Variants in HDAC9 observed in about 807,000 individuals in gnomAD.
HDAC9 encodes the protein histone deacetylase 9, also known as MEF-2 interacting transcription repressor (MITR) protein.
A neutral mutation model predicts 139.4 loss-of-function variants in HDAC9; 41 were observed. The ratio of observed to expected loss-of-function variants is 0.29; its 90% CI spans 0.23 to 0.38. The LOEUF (loss-of-function observed/expected upper bound fraction) is 0.38, where lower values mean the gene tolerates loss of function less well. HDAC9 is among the 10% of genes least tolerant of loss of function. The probability of loss-of-function intolerance (pLI) is 1.00; values close to 1 mark genes in which losing one functional copy is unlikely to be tolerated. For missense variants in HDAC9, 1,147 were observed against 1,297.0 expected (o/e 0.88, Z 1.78); for synonymous variants, 517 against 476.2 (o/e 1.09, Z -1.12).
chr7:18,662,873 C>T (rs1191434875), intron 11 of HDAC9, among the ~76,000 whole-genome samples: 3 of 152,026 alleles, frequency 2.0e-5, no homozygotes, highest in Non-Finnish European at 4.4e-5. Flanking sequence ...TCAGCATGAT[C>T]GTAATTTGTT....
At chr7:18,732,458 ATTTGTATGTGTG>A (rs1033300734) in intron 13 of HDAC9, among the ~76,000 whole-genome samples, 2 of 87,106 alleles carry the variant, frequency 2.3e-5, no homozygotes, top group East Asian at 5.1e-4. Flanking sequence ...ATGTGTGTAT[ATTTGTATGTGTG>A]TATATACAGT....
At chr7:18,291,127 A>T (rs1430645542) in intron 1 of HDAC9, among the ~76,000 whole-genome samples, 1 of 152,156 alleles carries the variant, frequency 6.6e-6, no homozygotes, top group Non-Finnish European at 1.5e-5. Flanking sequence ...ATTTTGAAAT[A>T]TGCCTATTGT....
At chr7:18,331,746 C>G (rs1339063336) in intron 1 of HDAC9, among the ~76,000 whole-genome samples, 1 of 151,630 alleles carries the variant, frequency 6.6e-6, no homozygotes, top group Non-Finnish European at 1.5e-5. Flanking sequence ...TAGTGGACTG[C>G]TACAAGTTTG....
At chr7:18,257,810 T>C (rs576430425) in intron 2 of HDAC9, among the ~76,000 whole-genome samples, 43 of 152,358 alleles carry the variant, frequency 2.8e-4, no homozygotes, top group Non-Finnish European at 4.6e-4. Context: ...TTTATAATGC[T>C]TTGGGTTAAT....
At chr7:18,991,261 A>T (rs1745513702) in intron 25 of HDAC9, among the ~76,000 whole-genome samples, 1 of 152,240 alleles carries the variant, frequency 6.6e-6, no homozygotes, top group Non-Finnish European at 1.5e-5. Context: ...TGAGGAAATG[A>T]AAGAACATAA....
intron 1 of HDAC9, among the ~76,000 whole-genome samples, chr7:18,151,026 A>T (rs555924477): frequency 6.6e-6 from 1 of 152,302 alleles, no homozygotes; most frequent in Admixed American, 6.5e-5. Context: ...TATATGTGTT[A>T]ATCTGTCTCA....
At chr7:18,774,956 C>T (rs920023231) in intron 16 of HDAC9, among the ~76,000 whole-genome samples, 11 of 151,914 alleles carry the variant, frequency 7.2e-5, no homozygotes, top group Non-Finnish European at 1.2e-4. Context: ...GAGTGAGAGA[C>T]GTGCAACTCT....
intron 13 of HDAC9, among the ~76,000 whole-genome samples, chr7:18,735,902 T>C (rs915588471): frequency 3.9e-5 from 6 of 152,218 alleles, no homozygotes; most frequent in East Asian, 1.9e-4. Flanking sequence ...CATCCTCTCC[T>C]ATTTACTTGA....
intron 1 of HDAC9, among the ~76,000 whole-genome samples, chr7:18,421,973 A>G (rs1040726642): frequency 1.3e-5 from 2 of 152,166 alleles, no homozygotes; most frequent in Non-Finnish European, 1.5e-5. Flanking sequence ...TGTGACTGCC[A>G]TTGTGTGTCT....
At chr7:18,603,579 A>G (rs1834572697) in intron 6 of HDAC9, among the ~76,000 whole-genome samples, 1 of 152,068 alleles carries the variant, frequency 6.6e-6, no homozygotes, top group Admixed American at 6.5e-5. Flanking sequence ...ATAAAAGTGT[A>G]TTTCTAATCT....
intron 2 of HDAC9, among the ~76,000 whole-genome samples, chr7:18,185,242 T>G (rs1192645029): frequency 2.0e-5 from 3 of 152,180 alleles, no homozygotes; most frequent in African/African-American, 7.2e-5. Context: ...GACTATACAT[T>G]AAAATAACCT....
intron 25 of HDAC9, among the ~76,000 whole-genome samples, chr7:18,979,144 T>C (rs995012986): frequency 2.0e-5 from 3 of 152,152 alleles, no homozygotes; most frequent in Admixed American, 6.5e-5. Flanking sequence ...TACAGAAACA[T>C]GAGAAAACAT....
intron 23 of HDAC9, among the ~76,000 whole-genome samples, chr7:18,937,111 C>T (rs1781696630): frequency 6.9e-6 from 1 of 145,880 alleles, no homozygotes; most frequent in Non-Finnish European, 1.5e-5. Flanking sequence ...GCGATCTCGG[C>T]TCACTGCAAC....
chr7:18,749,015 T>C lies in HDAC9; in HGVS notation c.1920T>C (p.Tyr640=). 6.2e-7 allele frequency: 1 copy of C among 1,613,576 alleles called. No homozygotes were observed. The highest frequency in any genetic ancestry group is 8.5e-7 in the Non-Finnish European group (1 of 1,179,684). Residue 640 remains tyrosine, a synonymous_variant, in exon 14 of 26, where the codon TAT becomes TAC. Coordinates refer to ENST00000686413, the MANE Select transcript of HDAC9 (RefSeq NM_178425.4). ...LQPGSATGIA[Y]DPLMLKHQCV... ...TCCCTTGTCTTAAAGGAATTGCCTA[T>C]GACCCCTTGATGCTGAAACACCAGT...
At chr7:18,241,725 C>T (rs1327523986) in intron 2 of HDAC9, among the ~76,000 whole-genome samples, 3 of 152,154 alleles carry the variant, frequency 2.0e-5, no homozygotes, top group African/African-American at 7.2e-5. Flanking sequence ...GACACTGAAT[C>T]GCCTGAGTAC....
intron 22 of HDAC9, among the ~76,000 whole-genome samples, chr7:18,910,365 A>G (rs1299135304): frequency 1.3e-5 from 2 of 151,958 alleles, no homozygotes; most frequent in Admixed American, 6.6e-5. Flanking sequence ...CACTATTGGT[A>G]TACAGAAAGA....
intron 1 of HDAC9, among the ~76,000 whole-genome samples, chr7:18,339,129 G>A (rs1163164482): frequency 6.6e-6 from 1 of 151,282 alleles, no homozygotes; most frequent in Non-Finnish European, 1.5e-5. Flanking sequence ...CCTAATATTG[G>A]TAATTAGTAT....
At chr7:18,238,994 C>G (rs1794009854) in intron 2 of HDAC9, among the ~76,000 whole-genome samples, 1 of 152,128 alleles carries the variant, frequency 6.6e-6, no homozygotes, top group Non-Finnish European at 1.5e-5. Context: ...TTTTTTAACT[C>G]TGGGCATAAT....
chr7:18,635,723 T>G (rs1458848210), intron 8 of HDAC9, among the ~76,000 whole-genome samples: 1 of 152,080 alleles, frequency 6.6e-6, no homozygotes, highest in Non-Finnish European at 1.5e-5. Flanking sequence ...TTGTTATATT[T>G]TATAGAGTCA....
Sources: allele counts gnomAD v4.1 joint callset (sites outside exome capture counted in the v4.1 genomes callset), GRCh38; gene constraint gnomAD v4.1.1; transcripts MANE v1.5; gene names NCBI Gene and HGNC (gene_info 2026-07-23, HGNC 2026-07-21).